GLT8D2: variants seen among roughly 807,000 people sequenced by gnomAD.
GLT8D2 encodes the protein glycosyltransferase 8 domain-containing protein 2.
In GLT8D2, 45 loss-of-function variants were observed where a neutral mutation model predicts 44.5. The ratio of observed to expected loss-of-function variants is 1.01; its 90% confidence interval spans 0.80 to 1.30. The LOEUF is 1.30. Among genes scored for constraint, GLT8D2 ranks in the 50% most tolerant of loss-of-function variants. The probability of loss-of-function intolerance (pLI) is 0.00; values close to 1 mark genes in which losing one functional copy is unlikely to be tolerated. For synonymous variants in GLT8D2, 156 were observed against 157.2 expected (o/e 0.99, Z 0.06); for missense variants, 400 against 430.4 (o/e 0.93, Z 0.62).
intron 4 of GLT8D2, among the ~76,000 whole-genome samples, chr12:104,010,594 T>C (rs1593539552): frequency 6.6e-6 from 1 of 152,224 alleles, no homozygotes; most frequent in East Asian, 1.9e-4. Flanking sequence ...ATTTTGTTCA[T>C]CTCTGTATCC....
chr12:104,045,892 TAAGAAAGAAAGAAAGAAAGAAAGA>T (rs34932758), intron 1 of GLT8D2, among the ~76,000 whole-genome samples: 1 of 112,028 alleles, frequency 8.9e-6, no homozygotes, highest in Non-Finnish European at 1.8e-5. Flanking sequence ...AAAAGAAAGA[TAAGAAAGAAAGAAAGAAAGAAAGA>T]AAGAAAGAAA....
chr12:104,064,393 C>G (rs1882966937), upstream of GLT8D2: 11 of 561,396 alleles, frequency 2.0e-5, no homozygotes, highest in Middle Eastern at 1.5e-3. The surrounding 1 kb of genome is among the most constrained non-coding windows in gnomAD (Gnocchi z 7.3). Flanking sequence ...CCTGTCAGGA[C>G]CCCCCTTCCC....
chr12:104,052,014 A>C (rs1425564785), upstream of GLT8D2, among the ~76,000 whole-genome samples: 1 of 152,236 alleles, frequency 6.6e-6, no homozygotes, highest in Non-Finnish European at 1.5e-5. Context: ...AAAATAGAAA[A>C]AAACACTGGG....
chr12:104,060,954 C>T (rs887163426), intron 1 of GLT8D2, among the ~76,000 whole-genome samples: 3 of 151,786 alleles, frequency 2.0e-5, no homozygotes, highest in Admixed American at 6.6e-5. Context: ...GAGACAGACA[C>T]ACAGGGAGAA....
intron 4 of GLT8D2, among the ~76,000 whole-genome samples, chr12:104,011,897 C>A (rs145750852): frequency 6.6e-6 from 1 of 151,860 alleles, no homozygotes. Context: ...CTGGGCCGGG[C>A]GCAGTGGCTC....
At position 104,050,148 on chromosome 12, in the gene GLT8D2, G is replaced by A; in HGVS notation, c.-417C>T. The A allele has an allele frequency of 6.6e-6, 1 of 152,410 alleles. No individual in the cohort carries two copies. Among genetic ancestry groups the A allele is most frequent in the Non-Finnish European group, 1.5e-5 (1 of 68,072 alleles). The allele number at this position is 152,410 out of a possible 1,614,324, so 9.4% of individuals were successfully genotyped here. ...CGTCTCGGGTTTCTTCCACCTCTGC[G>A]CGAAGCCGCTGGGAACCCAGGAGTT... is the stretch of plus-strand genomic sequence containing the variant. On this transcript the variant is annotated 5_prime_UTR_variant, in exon 1 of 11. Transcript: ENST00000360814.
At chr12:103,996,980 CTA>C (rs1873513114) in intron 7 of GLT8D2, 133 bp from the exon 8 acceptor site, 1 of 609,368 alleles carries the variant, frequency 1.6e-6, no homozygotes, top group African/African-American at 1.9e-5. Context: ...AGTGGCTTGA[CTA>C]TTTATTTATT....
chr12:104,018,038 C>G (rs966785270), intron 3 of GLT8D2, among the ~76,000 whole-genome samples: 2 of 151,938 alleles, frequency 1.3e-5, no homozygotes, highest in African/African-American at 4.8e-5. Context: ...AGTGTGATCT[C>G]AGCTCACTGT....
intron 1 of GLT8D2, among the ~76,000 whole-genome samples, chr12:104,035,480 T>C (rs1165381197): frequency 6.6e-6 from 1 of 152,182 alleles, no homozygotes; most frequent in Non-Finnish European, 1.5e-5. Context: ...TTAAATGACC[T>C]GATGGAGCTG....
Position 104,008,359 on chromosome 12 carries a change from C to T in GLT8D2, c.113-5053G>A, listed in dbSNP as rs184375123. Among the ~76,000 whole-genome samples, 897 of 152,198 alleles carry T rather than the reference C, an allele frequency of 5.9e-3. 8 individuals carry two copies. The highest frequency in any genetic ancestry group is 0.01 in the Non-Finnish European group (692 of 68,018). On this transcript the variant is annotated intron_variant, in intron 4 of 10. Coordinates refer to ENST00000360814, the MANE Select transcript of GLT8D2 (RefSeq NM_001384711.1). ...TTTTGTTATGTTTTAGCAAAAAGAC[C>T]AGGGGCATTTTGCCCTGCCCTAGGG...
chr12:104,017,360 T>C (rs1566200183), intron 3 of GLT8D2, among the ~76,000 whole-genome samples: 1 of 152,238 alleles, frequency 6.6e-6, no homozygotes, highest in Non-Finnish European at 1.5e-5. Flanking sequence ...TTCACTCTTG[T>C]TGTCCAGGCT....
At chr12:104,017,017 G>A (rs1026824773) in intron 3 of GLT8D2, among the ~76,000 whole-genome samples, 1 of 152,184 alleles carries the variant, frequency 6.6e-6, no homozygotes, top group African/African-American at 2.4e-5. Context: ...TTGAGAAGTA[G>A]AGTGGTGTAA....
intron 4 of GLT8D2, among the ~76,000 whole-genome samples, chr12:104,011,898 G>A (rs888099703): frequency 6.6e-6 from 1 of 151,890 alleles, no homozygotes; most frequent in Non-Finnish European, 1.5e-5. Flanking sequence ...TGGGCCGGGC[G>A]CAGTGGCTCA....
rs1873045719 is a variant in GLT8D2 at position 103,993,596 on chromosome 12, T to C, written c.768-92A>G. ...TGATATTGTAAATGATGTAAGACAT[T>C]ATCTCACTATGTACTAAGACTTATG... On this transcript the variant is annotated intron_variant, in intron 9 of 10. Coordinates refer to ENST00000360814, the MANE Select transcript of GLT8D2 (RefSeq NM_001384711.1). 19 of 782,280 alleles carry C rather than the reference T, an allele frequency of 2.4e-5. No homozygotes were observed. In the South Asian group the frequency reaches 3.3e-4, roughly 14 times the overall value. The allele number at this position is 782,280 out of a possible 1,614,324, so 48.5% of individuals were successfully genotyped here. A position where few individuals can be genotyped will look rare whatever the true frequency, so the allele number is the denominator to read the frequency against.
chr12:104,015,708 T>A (rs1471849401), intron 3 of GLT8D2, among the ~76,000 whole-genome samples: 2 of 152,042 alleles, frequency 1.3e-5, no homozygotes, highest in Non-Finnish European at 1.5e-5. Flanking sequence ...TTTCCAAATA[T>A]AAGATTATAT....
chr12:104,001,455 A>G (rs1874207576), intron 5 of GLT8D2, among the ~76,000 whole-genome samples: 1 of 152,244 alleles, frequency 6.6e-6, no homozygotes, highest in Admixed American at 6.5e-5. Flanking sequence ...AGATATTGCC[A>G]TGTTGACCTT....
intron 4 of GLT8D2, among the ~76,000 whole-genome samples, chr12:104,009,824 T>G (rs567804899): frequency 1.3e-5 from 2 of 152,228 alleles, no homozygotes; most frequent in Non-Finnish European, 2.9e-5. Flanking sequence ...ATCAAGGATT[T>G]TCACTTTTGT....
chr12:104,008,880 G>A (rs1057154561), intron 4 of GLT8D2, among the ~76,000 whole-genome samples: 2 of 152,260 alleles, frequency 1.3e-5, no homozygotes, highest in African/African-American at 2.4e-5. Flanking sequence ...CAGCTTCCAC[G>A]TGGTGTTGAG....
chr12:104,006,933 A>G (rs1245588202), intron 4 of GLT8D2, among the ~76,000 whole-genome samples: 1 of 152,130 alleles, frequency 6.6e-6, no homozygotes, highest in African/African-American at 2.4e-5. Context: ...CCTGAATCAG[A>G]ATATTTACTT....
Sources: gnomAD v4.1 joint callset for allele counts (sites outside exome capture counted in the v4.1 genomes callset) on GRCh38, gnomAD v4.1.1 for gene constraint, Gnocchi (gnomAD v3.1) non-coding constraint, MANE v1.5 for transcripts, NCBI Gene and HGNC (gene_info 2026-07-23, HGNC 2026-07-21) for gene names.